The following PHLPP2 variants were observed in gnomAD, a reference collection of about 807,000 sequenced individuals.
The protein encoded by PHLPP2 is PH domain leucine-rich repeat-containing protein phosphatase 2.
A neutral mutation model predicts 124.9 loss-of-function variants in PHLPP2; 66 were observed. The ratio of observed to expected loss-of-function variants is 0.53; its 90% CI spans 0.43 to 0.65. The LOEUF (loss-of-function observed/expected upper bound fraction) is 0.65. Ranked by LOEUF, PHLPP2 falls within the 30% of genes least tolerant of loss-of-function variation. The probability of loss-of-function intolerance (pLI) is 0.00; values close to 1 mark genes in which losing one functional copy is unlikely to be tolerated. For synonymous variants in PHLPP2, 681 were observed against 624.7 expected, an observed-to-expected ratio of 1.09 and a Z score of -1.34; for missense variants, 1,685 against 1,600.4, an observed-to-expected ratio of 1.05 and a Z score of -0.90.
rs201803618 is a variant in PHLPP2 at position 71,658,343 on chromosome 16, G to A, written c.2169C>T (p.Asn723=). The change falls in exon 15 of 19, where the codon AAC becomes AAT. Residue 723 remains asparagine, a synonymous_variant. Transcript: ENST00000568954. ...PQIQFVDLSC[N]DLTEILIPEA... ...CTGGAATCAGGATTTCTGTCAAGTCGTTGCAACTTAGGTCTACAAACTAAG... is the reference window on the plus strand; with the variant it reads ...CTGGAATCAGGATTTCTGTCAAGTCATTGCAACTTAGGTCTACAAACTAAG... 124 of 1,613,664 alleles carry A rather than the reference G, an allele frequency of 7.7e-5. No individual in the cohort carries two copies. The Middle Eastern group carries it at 9.9e-4, about 13-fold the overall frequency.
At chr16:71,660,500 G>A (rs972160373) in intron 13 of PHLPP2, among the ~76,000 whole-genome samples, 3 of 133,948 alleles carry the variant, frequency 2.2e-5, no homozygotes, top group African/African-American at 8.7e-5. Flanking sequence ...ATCTTGGCTC[G>A]CTGCAACCTC....
chr16:71,688,108 T>G (rs1597005643), intron 4 of PHLPP2, among the ~76,000 whole-genome samples: 1 of 152,232 alleles, frequency 6.6e-6, no homozygotes, highest in East Asian at 1.9e-4. Flanking sequence ...ACTGAGGAAC[T>G]GGCAAAGGGT....
In PHLPP2 at chr16:71,658,182, T is replaced by C. The variant is rs368340395; in HGVS notation, c.2279+51A>G. The C allele has an allele frequency of 4.5e-6, 7 of 1,543,018 alleles. No individual in the cohort carries two copies. The African/African-American group carries it at 8.2e-5, about 18-fold the overall frequency. ...CACAGTACTAAGGAAGACCTACACATGGCTGGTGGGCTAAGAGCACATAGA... is the reference window on the plus strand; with the variant it reads ...CACAGTACTAAGGAAGACCTACACACGGCTGGTGGGCTAAGAGCACATAGA... On this transcript the variant is annotated intron_variant, in intron 15 of 18. Coordinates refer to ENST00000568954, the MANE Select transcript of PHLPP2 (RefSeq NM_015020.3).
rs558945325 is a variant in PHLPP2 at position 71,679,123 on chromosome 16, T to C, written c.1038-138A>G. 1.8e-4 allele frequency: 116 copies of C among 633,014 alleles called. 1 individual carries two copies. Among genetic ancestry groups the C allele is most frequent in the African/African-American group, 1.5e-3 (84 of 54,534 alleles). The allele number at this position is 633,014 out of a possible 1,614,324, so 39.2% of individuals were successfully genotyped here. ...GTAAAGTGTCCTAACTCTCCATCTA[T>C]GCAGACTTAATAGATGATTTACACA... On this transcript the variant is annotated intron_variant, in intron 7 of 18. Transcript: ENST00000568954.
At position 71,648,818 on chromosome 16, in the gene PHLPP2, G is replaced by C. The variant is rs1467636760; in HGVS notation, c.*72C>G. 7 of 1,059,650 alleles carry C rather than the reference G, an allele frequency of 6.6e-6. No homozygotes were observed. The highest frequency in any genetic ancestry group is 9.8e-6 in the Non-Finnish European group (7 of 715,240). 65.6% of individuals were successfully genotyped at this position (1,059,650 alleles called of 1,614,324 possible). ...ACGAACAAACAAAAAGAAATGTAGA[G>C]GCAGAATGCCTCTAGCAAGTCCCTA... is the stretch of plus-strand genomic sequence containing the variant. On this transcript the variant is annotated 3_prime_UTR_variant, in exon 19 of 19. Coordinates refer to ENST00000568954, the MANE Select transcript of PHLPP2 (RefSeq NM_015020.3).
chr16:71,676,380 C>T, intron 9 of PHLPP2, 67 bp downstream of exon 9: 2 of 1,254,770 alleles, frequency 1.6e-6, no homozygotes, highest in African/African-American at 1.5e-5. Context: ...CCACAGGTGC[C>T]ACTGTTCTCA....
chr16:71,723,905 G>T, intron 1 of PHLPP2: 2 of 873,242 alleles, frequency 2.3e-6, no homozygotes, highest in Non-Finnish European at 2.9e-6. Context: ...CGGCCCGCGC[G>T]ACGGCGTGCG....
At position 71,721,613 on chromosome 16, in the gene PHLPP2, A is replaced by C. The variant is rs188559396; in HGVS notation, c.-7+2716T>G. On this transcript the variant is annotated intron_variant, in intron 1 of 18. Coordinates refer to ENST00000568954, the MANE Select transcript of PHLPP2 (RefSeq NM_015020.3). ...ATGTCTCTAAAAAAAAATCTTTTTA[A>C]ATTTTTTTTGGCATTAATTGTTTAT... is the stretch of plus-strand genomic sequence containing the variant. 3.6e-3 allele frequency among the ~76,000 whole-genome samples: 545 copies of C among 152,064 alleles called. 8 individuals carry two copies. Among genetic ancestry groups the C allele is most frequent in the African/African-American group, 0.013 (520 of 41,346 alleles).
At chr16:71,678,589 G>A (rs554031055) in intron 8 of PHLPP2, 166 bp downstream of exon 8, 16 of 591,062 alleles carry the variant, frequency 2.7e-5, no homozygotes, top group African/African-American at 1.5e-4. Flanking sequence ...GCAGTGGGCC[G>A]AGATCGTGCC....
intron 12 of PHLPP2, among the ~76,000 whole-genome samples, chr16:71,664,767 A>AT (rs1222780512): frequency 7.2e-5 from 11 of 151,870 alleles, no homozygotes; most frequent in South Asian, 2.1e-4. Context: ...GAAAAAAAAA[A>AT]TTTTTTTGTC....
rs780842467 is a variant in PHLPP2, at chr16:71,649,014, A to C, written c.3848T>G (p.Val1283Gly). ...CACTTCTTCTTCCAGGTCATGAGGC[A>C]CAACAAACTGGTCCTCTGGTTCCAT... ...TQMEPEDQFV[V>G]PHDLEEEVKE... Residue 1283 changes from valine to glycine, a missense_variant, in exon 19 of 19, where the codon GTG becomes GGG. Transcript: ENST00000568954. 7 of 1,614,094 alleles carry C rather than the reference A, an allele frequency of 4.3e-6. No homozygotes were observed. Among genetic ancestry groups the C allele is most frequent in the Middle Eastern group, 1.7e-4 (1 of 6,060 alleles).
Position 71,648,629 on chromosome 16 carries a change from G to A in PHLPP2, c.*261C>T, listed in dbSNP as rs146231024. The A allele has an allele frequency of 1.7e-3, 785 of 461,758 alleles. 5 individuals carry two copies. The highest frequency in any genetic ancestry group is 2.5e-3 in the East Asian group (75 of 30,538). 28.6% of individuals were successfully genotyped at this position (461,758 alleles called of 1,614,324 possible). On this transcript the variant is annotated 3_prime_UTR_variant, in exon 19 of 19. Coordinates refer to ENST00000568954, the MANE Select transcript of PHLPP2 (RefSeq NM_015020.3). The stretch of plus-strand genomic sequence containing the variant: ...TAAAAAAAAAAAATAAAACTTAGCC[G>A]GGCATAATGGCAGGTGCCTGTAATC...
At chr16:71,708,396 C>G (rs906884630) in intron 2 of PHLPP2, among the ~76,000 whole-genome samples, 1 of 152,124 alleles carries the variant, frequency 6.6e-6, no homozygotes. Flanking sequence ...CAACCCTGCC[C>G]GCAAGAGCAG....
At chr16:71,668,023 G>A (rs975511285) in intron 11 of PHLPP2, among the ~76,000 whole-genome samples, 1 of 151,972 alleles carries the variant, frequency 6.6e-6, no homozygotes, top group African/African-American at 2.4e-5. Context: ...TCTAGTAAAG[G>A]TCAATTCAAA....
At chr16:71,655,211 G>A (rs2044732053) in intron 17 of PHLPP2, 29 bp downstream of exon 17, 5 of 1,491,092 alleles carry the variant, frequency 3.4e-6, no homozygotes, top group African/African-American at 1.4e-5. Flanking sequence ...GTAGAACTGA[G>A]TTAGGGATTT....
intron 2 of PHLPP2, among the ~76,000 whole-genome samples, chr16:71,708,615 G>A (rs1314715354): frequency 3.3e-5 from 5 of 152,080 alleles, no homozygotes; most frequent in East Asian, 1.9e-4. Flanking sequence ...GTGAAACCCC[G>A]TCTCTACTAA....
chr16:71,655,713 A>C (rs994055603), intron 16 of PHLPP2, among the ~76,000 whole-genome samples: 1 of 151,906 alleles, frequency 6.6e-6, no homozygotes, highest in Non-Finnish European at 1.5e-5. Context: ...GATGGTCTTG[A>C]TCTCCTGACC....
At chr16:71,685,123 C>T (rs1039933580) in intron 4 of PHLPP2, among the ~76,000 whole-genome samples, 7 of 152,064 alleles carry the variant, frequency 4.6e-5, no homozygotes, top group African/African-American at 1.2e-4. Flanking sequence ...GTCAGGAGTT[C>T]GAGACGAGCC....
chr16:71,687,432 CTAAGAG>C (rs1412600797), intron 4 of PHLPP2, among the ~76,000 whole-genome samples: 3 of 152,108 alleles, frequency 2.0e-5, no homozygotes, highest in Non-Finnish European at 2.9e-5. Flanking sequence ...CTTCAACCTT[CTAAGAG>C]TAAGTTTTAA....
Sources: gnomAD v4.1 joint callset for allele counts (sites outside exome capture counted in the v4.1 genomes callset) on GRCh38, gnomAD v4.1.1 for gene constraint, MANE v1.5 for transcripts, NCBI Gene and HGNC (gene_info 2026-07-23, HGNC 2026-07-21) for gene names.